ADAMTS12: variants seen among roughly 807,000 people sequenced by gnomAD.
The protein encoded by ADAMTS12 is ADAM metallopeptidase with thrombospondin type 1 motif 12.
In ADAMTS12, 118 loss-of-function variants were observed where a neutral mutation model predicts 167.8. The ratio of observed to expected loss-of-function variants is 0.70; its 90% CI spans 0.61 to 0.82. ADAMTS12 has a LOEUF of 0.82. Among genes scored for constraint, ADAMTS12 ranks in the 40% least tolerant of loss-of-function variants. The pLI is 0.00. For synonymous variants in ADAMTS12, 704 were observed against 716.9 expected, an observed-to-expected ratio of 0.98 and a Z score of 0.29; for missense variants, 1,916 against 1,998.8, an observed-to-expected ratio of 0.96 and a Z score of 0.79.
chr5:33,677,663 C>T (rs1189405391), intron 5 of ADAMTS12, among the ~76,000 whole-genome samples: 1 of 152,194 alleles, frequency 6.6e-6, no homozygotes, highest in Non-Finnish European at 1.5e-5. Flanking sequence ...AATCAGAGCT[C>T]AATTCAGGGA....
intron 5 of ADAMTS12, among the ~76,000 whole-genome samples, chr5:33,667,509 T>C (rs1286385198): frequency 6.6e-6 from 1 of 152,102 alleles, no homozygotes; most frequent in African/African-American, 2.4e-5. Flanking sequence ...CCTCAAAGAC[T>C]ATATTTTCTC....
intron 5 of ADAMTS12, among the ~76,000 whole-genome samples, chr5:33,670,157 TA>T (rs59996249): frequency 2.0e-5 from 3 of 150,468 alleles, no homozygotes; most frequent in African/African-American, 7.3e-5. Flanking sequence ...CACTCAACAA[TA>T]AAAAAAAATA....
intron 2 of ADAMTS12, among the ~76,000 whole-genome samples, chr5:33,856,966 C>CTATCCACAA (rs373575862): frequency 4.6e-5 from 7 of 152,334 alleles, no homozygotes; most frequent in African/African-American, 1.7e-4. Context: ...TATGGCAGCA[C>CTATCCACAA]TATCCACAAT....
chr5:33,765,138 AC>A (rs1466192750), intron 2 of ADAMTS12, among the ~76,000 whole-genome samples: 1 of 152,242 alleles, frequency 6.6e-6, no homozygotes, highest in Non-Finnish European at 1.5e-5. Context: ...AAAAATAGAC[AC>A]ACATATGCCC....
chr5:33,887,767 T>A (rs1750688807), intron 1 of ADAMTS12, among the ~76,000 whole-genome samples: 2 of 152,108 alleles, frequency 1.3e-5, no homozygotes, highest in Admixed American at 6.5e-5. Context: ...TTTTTTTTTT[T>A]TTGAGACAGA....
At chr5:33,732,923 T>C (rs1386906039) in intron 3 of ADAMTS12, among the ~76,000 whole-genome samples, 1 of 151,974 alleles carries the variant, frequency 6.6e-6, no homozygotes, top group Non-Finnish European at 1.5e-5. Context: ...AAGTGATCCT[T>C]AAAAATGTTT....
At chr5:33,754,374 CT>C (rs1339825167) in intron 2 of ADAMTS12, among the ~76,000 whole-genome samples, 2 of 152,210 alleles carry the variant, frequency 1.3e-5, no homozygotes, top group Non-Finnish European at 2.9e-5. Context: ...TTAGTGAGGA[CT>C]TGCACTGGGC....
chr5:33,570,807 G>C (rs1296600381), intron 19 of ADAMTS12, among the ~76,000 whole-genome samples: 21 of 150,630 alleles, frequency 1.4e-4, no homozygotes, highest in Non-Finnish European at 7.4e-5. Context: ...CTGGCAAATT[G>C]GATAAAGAGT....
chr5:33,828,868 T>C (rs577005375), intron 2 of ADAMTS12, among the ~76,000 whole-genome samples: 14 of 152,174 alleles, frequency 9.2e-5, no homozygotes, highest in Non-Finnish European at 1.8e-4. Flanking sequence ...TCGCAGTAGA[T>C]TCTGCCCTGA....
intron 1 of ADAMTS12, among the ~76,000 whole-genome samples, chr5:33,889,439 T>G (rs771378107): frequency 3.3e-5 from 5 of 152,168 alleles, no homozygotes; most frequent in Non-Finnish European, 1.5e-5. Flanking sequence ...AGGCTGTAGG[T>G]AGGTCATTTG....
At chr5:33,850,221 G>C (rs1031756336) in intron 2 of ADAMTS12, among the ~76,000 whole-genome samples, 2 of 152,062 alleles carry the variant, frequency 1.3e-5, no homozygotes, top group African/African-American at 4.8e-5. Context: ...AGGTGAAAGG[G>C]GACTTCCTGA....
At chr5:33,850,305 A>T (rs1272523813) in intron 2 of ADAMTS12, among the ~76,000 whole-genome samples, 3 of 152,160 alleles carry the variant, frequency 2.0e-5, no homozygotes, top group Non-Finnish European at 4.4e-5. Flanking sequence ...TCACTAAAAG[A>T]GAGGATTAAT....
intron 22 of ADAMTS12, among the ~76,000 whole-genome samples, chr5:33,536,511 G>C (rs27404): frequency 0.49 from 74,342 of 152,072 alleles, 19,471 homozygotes; most frequent in East Asian, 0.78. Context: ...AGTGTTTTAT[G>C]CCTTCTGCCT....
chr5:33,605,134 CAG>C (rs1189433162), intron 16 of ADAMTS12, among the ~76,000 whole-genome samples: 1 of 152,246 alleles, frequency 6.6e-6, no homozygotes, highest in Non-Finnish European at 1.5e-5. Flanking sequence ...CAACGGAGCA[CAG>C]AGAGTGTTAC....
chr5:33,553,985 A>ATCTC (rs1291377463), intron 20 of ADAMTS12, among the ~76,000 whole-genome samples: 1 of 152,202 alleles, frequency 6.6e-6, no homozygotes. Context: ...CAAGCTCTGT[A>ATCTC]TCTCTACCCT....
chr5:33,560,908 T>A (rs1379089139), intron 20 of ADAMTS12, 119 bp downstream of exon 20: 2 of 1,317,146 alleles, frequency 1.5e-6, no homozygotes, highest in Non-Finnish European at 2.0e-6. Context: ...ACCCTAGAAC[T>A]TTAATTAAGA....
chr5:33,617,793 G>GA lies in ADAMTS12; in HGVS notation c.2144-1722dup, dbSNP rs5867196. Among the ~76,000 whole-genome samples the GA allele has an allele frequency of 2.7e-3, 398 of 145,754 alleles. 3 individuals are homozygous for GA. The highest frequency in any genetic ancestry group is 0.013 in the South Asian group (63 of 4,682). ...CTTTTAAAAAATAAAAACCTAAATAGAAAAAAAAAACAATAAATAACAGTG... is the reference window on the plus strand; with the variant it reads ...CTTTTAAAAAATAAAAACCTAAATAGAAAAAAAAAAACAATAAATAACAGTG... On this transcript the variant is annotated intron_variant, in intron 14 of 23. Coordinates refer to ENST00000504830, the MANE Select transcript of ADAMTS12 (RefSeq NM_030955.4).
Position 33,621,399 on chromosome 5 carries a change from CAAA to C in ADAMTS12, c.2143+2829_2143+2831del, listed in dbSNP as rs202182365. 4.1e-3 allele frequency among the ~76,000 whole-genome samples: 339 copies of C among 82,084 alleles called. 3 individuals are homozygous for C. Among genetic ancestry groups the C allele is most frequent in the East Asian group, 0.036 (128 of 3,552 alleles). The allele number at this position is 82,084 out of a possible 152,430, so 53.9% of individuals were successfully genotyped here. On this transcript the variant is annotated intron_variant, in intron 14 of 23. Transcript: ENST00000504830. ...TGGGTGACACAGCAAGACTCCATCT[CAAA>C]AAAAAAAAAAAAAAAAAGAATATTC...
At chr5:33,566,487 C>T (rs141890985) in intron 19 of ADAMTS12, among the ~76,000 whole-genome samples, 19 of 152,192 alleles carry the variant, frequency 1.2e-4, no homozygotes, top group Non-Finnish European at 2.2e-4. Flanking sequence ...GAGTCAGTGA[C>T]GGACTCCTTC....
Sources: gnomAD v4.1 joint callset for allele counts (sites outside exome capture counted in the v4.1 genomes callset) on GRCh38, gnomAD v4.1.1 for gene constraint, MANE v1.5 for transcripts, NCBI Gene and HGNC (gene_info 2026-07-23, HGNC 2026-07-21) for gene names.